The following RNFT2 variants were observed in gnomAD, a reference collection of about 807,000 sequenced individuals.
The protein encoded by RNFT2 is ring finger protein, transmembrane 2.
RNFT2 carries 36 observed loss-of-function variants against 53.0 expected under a neutral mutation model. That is an observed-to-expected ratio of 0.68 (90% CI 0.52 to 0.90). The LOEUF (loss-of-function observed/expected upper bound fraction) is 0.90. RNFT2 is among the 40% of genes least tolerant of loss of function. The probability of loss-of-function intolerance (pLI) is 0.00; values close to 1 mark genes in which losing one functional copy is unlikely to be tolerated. For synonymous variants in RNFT2, 260 were observed against 253.2 expected, an observed-to-expected ratio of 1.03 and a Z score of -0.26; for missense variants, 514 against 585.6, an observed-to-expected ratio of 0.88 and a Z score of 1.26.
At chr12:116,810,233 A>G (rs1310332815) in intron 7 of RNFT2, among the ~76,000 whole-genome samples, 1 of 152,138 alleles carries the variant, frequency 6.6e-6, no homozygotes, top group Non-Finnish European at 1.5e-5. Context: ...CACCTAAACC[A>G]GTCCCCAGCA....
rs148944093 is a variant in RNFT2 at position 116,815,334 on chromosome 12, TA to T, written c.883-18454del. Among the ~76,000 whole-genome samples the T allele has an allele frequency of 2.2e-3, 337 of 152,330 alleles. 2 individuals carry two copies. The highest frequency in any genetic ancestry group is 7.9e-3 in the African/African-American group (330 of 41,576). ...ACAAATAACCACAAACCTTGTGGCTTAAAACAACACAACTGTATTATCTTAC... is the reference window on the plus strand; with the variant it reads ...ACAAATAACCACAAACCTTGTGGCTTAAACAACACAACTGTATTATCTTAC... On this transcript the variant is annotated intron_variant, in intron 7 of 10. Transcript: ENST00000257575.
At chr12:116,768,419 TAC>T (rs1342872545) in intron 6 of RNFT2, among the ~76,000 whole-genome samples, 1 of 152,150 alleles carries the variant, frequency 6.6e-6, no homozygotes, top group Non-Finnish European at 1.5e-5. Flanking sequence ...CCTTTTATAT[TAC>T]AGTCATGTGT....
intron 3 of RNFT2, among the ~76,000 whole-genome samples, chr12:116,742,150 A>T (rs997707851): frequency 6.6e-6 from 1 of 152,164 alleles, no homozygotes; most frequent in Non-Finnish European, 1.5e-5. Context: ...AGGAAAAAGC[A>T]TAGGCCACAG....
chr12:116,768,099 C>CTTCT (rs1872998050), intron 6 of RNFT2, among the ~76,000 whole-genome samples: 1 of 131,976 alleles, frequency 7.6e-6, no homozygotes, highest in African/African-American at 2.8e-5. Flanking sequence ...ACAGTTTGGC[C>CTTCT]TTTTTTTTTT....
chr12:116,802,023 T>C (rs968782489), intron 7 of RNFT2, among the ~76,000 whole-genome samples: 3 of 152,188 alleles, frequency 2.0e-5, no homozygotes, highest in Non-Finnish European at 4.4e-5. Flanking sequence ...AGTTTCGCCA[T>C]GTTGGCCAGG....
Position 116,852,351 on chromosome 12 carries a change from G to A in RNFT2, c.*2903G>A, listed in dbSNP as rs910393391. 10 of 1,270,146 alleles carry A rather than the reference G, an allele frequency of 7.9e-6. No homozygotes were observed. In the East Asian group the frequency reaches 1.8e-4, roughly 22 times the overall value. 78.7% of individuals were successfully genotyped at this position (1,270,146 alleles called of 1,614,324 possible). A position where few individuals can be genotyped will look rare whatever the true frequency, so the allele number is the denominator to read the frequency against. On this transcript the variant is annotated 3_prime_UTR_variant, in exon 11 of 11. Transcript: ENST00000257575. ...GCCCCGCCGTAGATTCAGGACATTT[G>A]CCCCTGTGTGCCACCAAACCAGGAC...
chr12:116,823,509 C>T (rs1259382045), intron 7 of RNFT2, among the ~76,000 whole-genome samples: 1 of 152,196 alleles, frequency 6.6e-6, no homozygotes, highest in African/African-American at 2.4e-5. Flanking sequence ...TGTGGCAAAA[C>T]CCTGTCTCTA....
At chr12:116,843,314 A>G (rs553685703) in intron 10 of RNFT2, among the ~76,000 whole-genome samples, 24 of 151,744 alleles carry the variant, frequency 1.6e-4, no homozygotes, top group Admixed American at 1.4e-3. Flanking sequence ...CCAACATAGC[A>G]AGACCCCAAC....
Position 116,841,981 on chromosome 12 carries a change from A to AGG in RNFT2, c.1200+5700_1200+5701insGG, listed in dbSNP as rs1391503361. 4.4e-5 allele frequency among the ~76,000 whole-genome samples: 6 copies of AGG among 135,492 alleles called. 1 individual carries two copies. Among genetic ancestry groups the AGG allele is most frequent in the African/African-American group, 1.7e-4 (6 of 35,098 alleles). The allele number at this position is 135,492 out of a possible 152,430, so 88.9% of individuals were successfully genotyped here. ...TATAGAGAGAGAGAGAGAGAGAGAG[A>AGG]GAGAGGGAGGATCCAGGTACAACTT... is the stretch of plus-strand genomic sequence containing the variant. On this transcript the variant is annotated intron_variant, in intron 10 of 10. Transcript: ENST00000257575.
At chr12:116,795,913 T>C (rs112542343) in intron 7 of RNFT2, among the ~76,000 whole-genome samples, 7 of 151,660 alleles carry the variant, frequency 4.6e-5, no homozygotes, top group African/African-American at 1.7e-4. Flanking sequence ...TCATTTCTTT[T>C]TCTTTTTCTT....
At chr12:116,784,440 A>G (rs1411271139) in intron 7 of RNFT2, among the ~76,000 whole-genome samples, 2 of 152,170 alleles carry the variant, frequency 1.3e-5, no homozygotes, top group Non-Finnish European at 2.9e-5. Context: ...CCTAGTCCTT[A>G]TCCAATCAAC....
chr12:116,771,372 A>T (rs1873169620), intron 6 of RNFT2, among the ~76,000 whole-genome samples: 1 of 149,424 alleles, frequency 6.7e-6, no homozygotes. Flanking sequence ...GGGTGGGAGG[A>T]TCACATAAGC....
chr12:116,833,930 A>G lies in RNFT2; in HGVS notation c.1021A>G (p.Ser341Gly), dbSNP rs764979823. ...FLGGVLIVLY[S>G]LCKSFDICGR... Reference sequence around the variant, plus strand: ...GGGCGGGGTCCTGATCGTTCTCTACAGCCTCTGCAAGGTGAGGTGGCCCCA... The same window carrying G: ...GGGCGGGGTCCTGATCGTTCTCTACGGCCTCTGCAAGGTGAGGTGGCCCCA... The change falls in exon 8 of 11, where the codon AGC (serine) becomes GGC (glycine). Residue 341 changes from serine (S) to glycine (G), a missense_variant. Transcript: ENST00000257575. The G allele has an allele frequency of 1.9e-6, 3 of 1,605,162 alleles. No homozygotes were observed. Among genetic ancestry groups the G allele is most frequent in the Non-Finnish European group, 2.6e-6 (3 of 1,176,402 alleles).
Position 116,750,865 on chromosome 12 carries a change from A to G in RNFT2, c.550+558A>G, listed in dbSNP as rs1872193939. Among the ~76,000 whole-genome samples, 5 of 3,814 alleles carry G rather than the reference A, an allele frequency of 1.3e-3. No individual in the cohort carries two copies. The South Asian group carries it at 0.024, about 19-fold the overall frequency. The allele number at this position is 3,814 out of a possible 152,430, so 2.5% of individuals were successfully genotyped here. On this transcript the variant is annotated intron_variant, in intron 4 of 10. Coordinates refer to ENST00000257575, the MANE Select transcript of RNFT2 (RefSeq NM_001382266.1). The stretch of plus-strand genomic sequence containing the variant: ...TATATATATATAATATATATTATAT[A>G]TATATAATATATATATTATATATAT...
At chr12:116,826,486 G>T (rs1876345134) in intron 7 of RNFT2, among the ~76,000 whole-genome samples, 1 of 152,310 alleles carries the variant, frequency 6.6e-6, no homozygotes, top group Middle Eastern at 3.4e-3. Context: ...GAAATAACAT[G>T]CTTAAGAAAC....
chr12:116,834,068 G>GA, intron 8 of RNFT2, 127 bp downstream of exon 8: 1 of 734,030 alleles, frequency 1.4e-6, no homozygotes, highest in Non-Finnish European at 1.9e-6. Flanking sequence ...TTAATTGAGG[G>GA]AAAATTCATA....
intron 7 of RNFT2, among the ~76,000 whole-genome samples, chr12:116,833,030 C>T (rs905302916): frequency 4.7e-5 from 7 of 150,336 alleles, no homozygotes; most frequent in African/African-American, 1.7e-4. Context: ...TCTCCTGCCT[C>T]GCTTGAGTAG....
chr12:116,779,552 C>T (rs1228004759), intron 7 of RNFT2, among the ~76,000 whole-genome samples: 1 of 152,192 alleles, frequency 6.6e-6, no homozygotes, highest in East Asian at 1.9e-4. Context: ...ACCACTTTGT[C>T]ACACCTCTAC....
chr12:116,813,290 G>A (rs150784938), intron 7 of RNFT2, among the ~76,000 whole-genome samples: 7 of 152,224 alleles, frequency 4.6e-5, no homozygotes, highest in East Asian at 1.9e-4. Context: ...CCTGGCCTTC[G>A]CCTCTCTTCC....
Sources: allele counts gnomAD v4.1 joint callset (sites outside exome capture counted in the v4.1 genomes callset), GRCh38; gene constraint gnomAD v4.1.1; transcripts MANE v1.5; gene names NCBI Gene and HGNC (gene_info 2026-07-23, HGNC 2026-07-21).